The following CHCHD3 variants were observed in gnomAD, a reference collection of about 807,000 sequenced individuals.
CHCHD3 encodes the protein MICOS complex subunit MIC19.
In CHCHD3, 20 loss-of-function variants were observed where a neutral mutation model predicts 38.2. That is an observed-to-expected ratio of 0.52 (90% CI 0.37 to 0.76). The LOEUF (loss-of-function observed/expected upper bound fraction) is 0.76. Among genes scored for constraint, CHCHD3 ranks in the 30% least tolerant of loss-of-function variants. The pLI, the probability that CHCHD3 is intolerant of heterozygous loss-of-function variation, is 0.00. For synonymous variants in CHCHD3, 82 were observed against 100.0 expected, an observed-to-expected ratio of 0.82 and a Z score of 1.07; for missense variants, 245 against 279.2, an observed-to-expected ratio of 0.88 and a Z score of 0.87.
chr7:132,961,614 G>C (rs557862360), intron 4 of CHCHD3, among the ~76,000 whole-genome samples: 1 of 152,186 alleles, frequency 6.6e-6, no homozygotes, highest in East Asian at 1.9e-4. Context: ...CAATGCATGC[G>C]TGCGGTTAAG....
At chr7:132,956,560 G>A (rs566396046) in intron 4 of CHCHD3, among the ~76,000 whole-genome samples, 2 of 152,322 alleles carry the variant, frequency 1.3e-5, no homozygotes, top group Admixed American at 6.5e-5. Flanking sequence ...TTCCACATAA[G>A]TACAATATAA....
chr7:132,803,120 T>C (rs998735432), intron 6 of CHCHD3, among the ~76,000 whole-genome samples: 1 of 152,142 alleles, frequency 6.6e-6, no homozygotes, highest in Non-Finnish European at 1.5e-5. Flanking sequence ...AGCATGCACA[T>C]AGTGGGAACA....
intron 2 of CHCHD3, 107 bp downstream of exon 2, chr7:133,070,035 A>G (rs1320219030): frequency 4.1e-6 from 3 of 733,848 alleles, no homozygotes; most frequent in Non-Finnish European, 4.5e-6. Context: ...TAAAAGCTAA[A>G]CATCTAAATA....
At chr7:132,985,265 C>G (rs1350768057) in intron 3 of CHCHD3, among the ~76,000 whole-genome samples, 6 of 74,184 alleles carry the variant, frequency 8.1e-5, no homozygotes, top group Admixed American at 1.3e-4. Flanking sequence ...GTCAGCCCCC[C>G]GCCCGGCCAG....
rs1811326067 is a variant in CHCHD3 at position 132,961,709 on chromosome 7, T to C, written c.369+13460A>G. Among the ~76,000 whole-genome samples, 3 of 152,252 alleles carry C rather than the reference T, an allele frequency of 2.0e-5. No individual in the cohort carries two copies. In the South Asian group the frequency reaches 6.2e-4, roughly 32 times the overall value. ...TACTGTAGAACTATAGTTACAATGC[T>C]GTACCTTCGATCCACAGAACTTATT... is the stretch of plus-strand genomic sequence containing the variant. On this transcript the variant is annotated intron_variant, in intron 4 of 7. Transcript: ENST00000262570.
rs1808862593 is a variant in CHCHD3 at position 132,875,105 on chromosome 7, A to G, written c.453+10557T>C. 2.0e-5 allele frequency among the ~76,000 whole-genome samples: 3 copies of G among 152,164 alleles called. No individual in the cohort carries two copies. In the South Asian group the frequency reaches 6.2e-4, roughly 32 times the overall value. ...GCATTATTCAGGGCACAGAAATCTC[A>G]GGTGATATACTGGGATAAATTCATC... On this transcript the variant is annotated intron_variant, in intron 5 of 7. Transcript: ENST00000262570.
At chr7:132,854,340 T>C (rs950239035) in intron 5 of CHCHD3, among the ~76,000 whole-genome samples, 1 of 152,196 alleles carries the variant, frequency 6.6e-6, no homozygotes, top group African/African-American at 2.4e-5. Context: ...TTGGTTTGTT[T>C]TTTCCCCCTT....
chr7:132,887,066 A>C, intron 4 of CHCHD3: 1 of 682,664 alleles, frequency 1.5e-6, no homozygotes, highest in Non-Finnish European at 2.1e-6. Flanking sequence ...CACACACACA[A>C]AATCTGATGG....
intron 3 of CHCHD3, among the ~76,000 whole-genome samples, chr7:132,999,268 T>C (rs1217163773): frequency 1.3e-5 from 2 of 152,232 alleles, no homozygotes; most frequent in Admixed American, 6.5e-5. Context: ...ATACTGAATT[T>C]AGCATTGTAA....
chr7:132,818,061 G>C (rs186982544), intron 6 of CHCHD3, among the ~76,000 whole-genome samples: 1 of 152,170 alleles, frequency 6.6e-6, no homozygotes, highest in Non-Finnish European at 1.5e-5. Context: ...AGCAAGAGAT[G>C]ATGCTGAACC....
At chr7:132,838,357 T>C (rs747678960) in intron 6 of CHCHD3, 42 bp downstream of exon 6, 76 of 1,327,658 alleles carry the variant, frequency 5.7e-5, no homozygotes, top group Non-Finnish European at 7.7e-5. Flanking sequence ...GCTTTCATCT[T>C]GTTAAGAATA....
chr7:132,986,129 G>T (rs1243560371), intron 3 of CHCHD3, among the ~76,000 whole-genome samples: 12 of 150,152 alleles, frequency 8.0e-5, no homozygotes, highest in Non-Finnish European at 1.2e-4. Flanking sequence ...CTCTGAAACA[G>T]GTGCTGTGTC....
intron 6 of CHCHD3, among the ~76,000 whole-genome samples, chr7:132,818,784 A>C (rs371124713): frequency 6.6e-6 from 1 of 152,188 alleles, no homozygotes; most frequent in Non-Finnish European, 1.5e-5. Context: ...AACTGAAGGA[A>C]TTCCCAATTA....
Position 132,785,497 on chromosome 7 carries a change from C to T in CHCHD3, c.*140G>A, listed in dbSNP as rs1806290230. 1.2e-6 allele frequency: 1 copy of T among 813,248 alleles called. No individual in the cohort carries two copies. The highest frequency in any genetic ancestry group is 2.6e-5 in the East Asian group (1 of 38,214). The allele number at this position is 813,248 out of a possible 1,614,324, so 50.4% of individuals were successfully genotyped here. Reference sequence around the variant, plus strand: ...CTGTTCAAAACGTGAAATGATTCTGCTGAATCCATTCTTGATGTCTCTCTT... The same window carrying T: ...CTGTTCAAAACGTGAAATGATTCTGTTGAATCCATTCTTGATGTCTCTCTT... On this transcript the variant is annotated 3_prime_UTR_variant, in exon 8 of 8. Coordinates refer to ENST00000262570, the MANE Select transcript of CHCHD3 (RefSeq NM_017812.4).
chr7:132,977,096 A>T (rs970282626), intron 3 of CHCHD3, among the ~76,000 whole-genome samples: 1 of 152,254 alleles, frequency 6.6e-6, no homozygotes, highest in Admixed American at 6.5e-5. Flanking sequence ...AAATTCAGCA[A>T]CATCAATGAT....
chr7:132,892,411 G>A (rs1237579908), intron 4 of CHCHD3, among the ~76,000 whole-genome samples: 5 of 152,120 alleles, frequency 3.3e-5, no homozygotes, highest in Non-Finnish European at 7.4e-5. Flanking sequence ...ATGTGAAATT[G>A]GAACTTATGT....
At chr7:132,894,416 T>C (rs1809443421) in intron 4 of CHCHD3, among the ~76,000 whole-genome samples, 1 of 152,220 alleles carries the variant, frequency 6.6e-6, no homozygotes, top group African/African-American at 2.4e-5. Flanking sequence ...TGCACCCATG[T>C]TCCAAACCAC....
chr7:132,977,184 C>T (rs1217755764), intron 3 of CHCHD3, among the ~76,000 whole-genome samples: 1 of 152,190 alleles, frequency 6.6e-6, no homozygotes, highest in Non-Finnish European at 1.5e-5. Flanking sequence ...CTTCCTAGAA[C>T]AGCAGTTCTA....
intron 5 of CHCHD3, among the ~76,000 whole-genome samples, chr7:132,870,331 C>T (rs1292407708): frequency 7.5e-6 from 1 of 133,060 alleles, no homozygotes; most frequent in Non-Finnish European, 1.5e-5. Flanking sequence ...GCCTGGGTGA[C>T]ACTGCGAGAC....
Sources: gnomAD v4.1 joint callset for allele counts (sites outside exome capture counted in the v4.1 genomes callset) on GRCh38, gnomAD v4.1.1 for gene constraint, MANE v1.5 for transcripts, NCBI Gene and HGNC (gene_info 2026-07-23, HGNC 2026-07-21) for gene names.